URGCP: variants seen among roughly 807,000 people sequenced by gnomAD.
URGCP encodes up-regulator of cell proliferation.
Under a neutral mutation model 24.6 loss-of-function variants are expected in URGCP, and 13 were observed. The observed-to-expected ratio is 0.53, with a 90% CI of 0.34 to 0.84. The LOEUF (loss-of-function observed/expected upper bound fraction) is 0.84, where lower values mean the gene tolerates loss of function less well. Ranked by LOEUF, URGCP falls within the 40% of genes least tolerant of loss-of-function variation. The pLI, the probability that URGCP is intolerant of heterozygous loss-of-function variation, is 0.01. For synonymous variants in URGCP, 444 were observed against 487.2 expected (o/e 0.91, Z 1.17); for missense variants, 899 against 1,194.3 (o/e 0.75, Z 3.64).
intron 1 of URGCP, among the ~76,000 whole-genome samples, chr7:43,900,735 G>A (rs2095889130): frequency 1.3e-5 from 2 of 152,114 alleles, no homozygotes; most frequent in South Asian, 4.1e-4. Flanking sequence ...ACAGGCGTAA[G>A]CCACTGCACC....
intron 1 of URGCP, chr7:43,919,670 C>G: frequency 7.3e-7 from 1 of 1,375,090 alleles, no homozygotes; most frequent in Admixed American, 1.7e-5. Context: ...TCAACACCAT[C>G]CAGGGAGAGG....
intron 1 of URGCP, among the ~76,000 whole-genome samples, chr7:43,891,176 T>C (rs4724254): frequency 0.11 from 17,497 of 152,184 alleles, 1,161 homozygotes; most frequent in Admixed American, 0.18. Flanking sequence ...CTAGAATAGA[T>C]AGGGCAAACC....
chr7:43,896,386 C>T (rs1450468682), intron 1 of URGCP, among the ~76,000 whole-genome samples: 1 of 146,822 alleles, frequency 6.8e-6, no homozygotes, highest in African/African-American at 2.5e-5. Flanking sequence ...ACTCGGGAGG[C>T]GGAGATTGCA....
chr7:43,903,460 G>T (rs2095895311), intron 1 of URGCP, among the ~76,000 whole-genome samples: 1 of 152,180 alleles, frequency 6.6e-6, no homozygotes, highest in Non-Finnish European at 1.5e-5. Context: ...AAGATTTTAA[G>T]ATCGGTGGTC....
chr7:43,905,227 C>A (rs1454112846), intron 1 of URGCP, among the ~76,000 whole-genome samples: 1 of 151,126 alleles, frequency 6.6e-6, no homozygotes, highest in Non-Finnish European at 1.5e-5. Context: ...TCGTTCAGGG[C>A]AGCCCCACAC....
intron 1 of URGCP, among the ~76,000 whole-genome samples, chr7:43,891,814 G>T (rs1261279576): frequency 6.6e-6 from 1 of 151,684 alleles, no homozygotes; most frequent in Non-Finnish European, 1.5e-5. Context: ...AGACAGTCTT[G>T]CTCTGTCTCC....
chr7:43,881,474 G>GTTT (rs751531869), intron 5 of URGCP, among the ~76,000 whole-genome samples, 185 bp downstream of exon 5: 23 of 127,320 alleles, frequency 1.8e-4, no homozygotes, highest in Admixed American at 5.6e-4. Context: ...GCTTCCCAGG[G>GTTT]TTTTTTTTTT....
rs368925344 is a variant in URGCP at position 43,877,073 on chromosome 7, G to A, written c.2390C>T (p.Ala797Val). 5.6e-6 allele frequency: 9 copies of A among 1,614,128 alleles called. No homozygotes were observed. In the African/African-American group the frequency reaches 9.3e-5, roughly 17 times the overall value. Residue 797 changes from alanine to valine, a missense_variant, in exon 6 of 6, where the codon GCA becomes GTA. Ala to Val is a moderately conservative substitution (Grantham distance 64). Transcript: ENST00000453200. ...ISLAETKDIPAAILHAFLRLE... is the reference protein window; with the variant it reads ...ISLAETKDIPVAILHAFLRLE... ...CCTCAGAAATGCATGCAGAATAGCT[G>A]CTGGAATGTCCTTGGTTTCAGCTAG...
Position 43,878,518 on chromosome 7 carries a change from G to C in URGCP, c.945C>G (p.Ser315=), listed in dbSNP as rs778675752. The C allele has an allele frequency of 1.2e-6, 2 of 1,614,208 alleles. No individual in the cohort carries two copies. The highest frequency in any genetic ancestry group is 1.7e-6 in the Non-Finnish European group (2 of 1,180,048). ...REISDGLVEI[S]WFFPSGREDL... ...CCTCCCTTCCGCTGGGAAAAAACCA[G>C]GAAATTTCTACCAACCCATCCGAAA... Residue 315 remains serine, a synonymous_variant, in exon 6 of 6, where the codon TCC becomes TCG. Transcript: ENST00000453200. This position sits in a 1 kb window ranked among gnomAD's most constrained non-coding sequence, Gnocchi z 5.6.
chr7:43,884,646 T>C (rs951138252), intron 3 of URGCP, among the ~76,000 whole-genome samples: 2 of 152,086 alleles, frequency 1.3e-5, no homozygotes, highest in African/African-American at 4.8e-5. Flanking sequence ...CTGGGCACAA[T>C]AGCAAGACCC....
At chr7:43,881,794 A>G in intron 4 of URGCP, 97 bp from the exon 5 acceptor site, 3 of 1,607,954 alleles carry the variant, frequency 1.9e-6, no homozygotes, top group Non-Finnish European at 2.6e-6. Flanking sequence ...CTTCTTTCTC[A>G]CCAAGATGGC....
intron 3 of URGCP, among the ~76,000 whole-genome samples, chr7:43,884,929 C>T (rs1187263248): frequency 2.0e-5 from 3 of 152,028 alleles, no homozygotes; most frequent in African/African-American, 4.8e-5. Context: ...GCTAATCTAT[C>T]CTTTTAGAAG....
intron 2 of URGCP, 74 bp downstream of exon 2, chr7:43,887,716 A>G: frequency 6.5e-7 from 1 of 1,527,374 alleles, no homozygotes; most frequent in Non-Finnish European, 8.8e-7. Context: ...ACTGGTCTAG[A>G]AAACCAGCAC....
Position 43,894,423 on chromosome 7 carries a change from A to G in URGCP, c.15-6607T>C, listed in dbSNP as rs185079199. Among the ~76,000 whole-genome samples the G allele has an allele frequency of 1.5e-3, 221 of 152,290 alleles. 1 individual carries two copies. Among genetic ancestry groups the G allele is most frequent in the Middle Eastern group, 3.4e-3 (1 of 294 alleles). On this transcript the variant is annotated intron_variant, in intron 1 of 5. Transcript: ENST00000453200. ...ATGTGCAGTAGTACCATCTGAGCTCACTGTAACCTCCACCACCAGGGCTCA... is the reference window on the plus strand; with the variant it reads ...ATGTGCAGTAGTACCATCTGAGCTCGCTGTAACCTCCACCACCAGGGCTCA...
chr7:43,908,222 C>T (rs947460829), upstream of URGCP, among the ~76,000 whole-genome samples: 37 of 152,086 alleles, frequency 2.4e-4, no homozygotes, highest in African/African-American at 8.2e-4. Flanking sequence ...GGACTACAGG[C>T]GCCCACTACC....
intron 1 of URGCP, among the ~76,000 whole-genome samples, chr7:43,902,508 G>A (rs747688242): frequency 1.3e-5 from 2 of 152,132 alleles, no homozygotes; most frequent in African/African-American, 4.8e-5. Context: ...GAAACAAAGC[G>A]CTGAGGAGTG....
rs543936409 is a variant in URGCP at position 43,886,180 on chromosome 7, G to A, written c.112+1235C>T. ...TAGTGATTTTTTCCATAGAGACGGT[G>A]TCTCACTATGTTGCGCAGGTTGGTC... On this transcript the variant is annotated intron_variant, in intron 3 of 5. Coordinates refer to ENST00000453200, the MANE Select transcript of URGCP (RefSeq NM_001077663.3). Among the ~76,000 whole-genome samples, 11 of 152,340 alleles carry A rather than the reference G, an allele frequency of 7.2e-5. No individual in the cohort carries two copies. The South Asian group carries it at 2.3e-3, about 32-fold the overall frequency.
intron 1 of URGCP, among the ~76,000 whole-genome samples, chr7:43,916,519 C>A (rs569683077): frequency 6.6e-6 from 1 of 152,156 alleles, no homozygotes; most frequent in East Asian, 1.9e-4. Context: ...CAGAGGCAGA[C>A]GACAACAGAA....
chr7:43,896,431 G>A (rs1263311472), intron 1 of URGCP, among the ~76,000 whole-genome samples: 1 of 150,684 alleles, frequency 6.6e-6, no homozygotes, highest in African/African-American at 2.4e-5. Flanking sequence ...ATCCAGCCTG[G>A]GCGACAGAGA....
Sources: gnomAD v4.1 joint callset for allele counts (sites outside exome capture counted in the v4.1 genomes callset) on GRCh38, gnomAD v4.1.1 for gene constraint, Gnocchi (gnomAD v3.1) non-coding constraint, MANE v1.5 for transcripts, NCBI Gene and HGNC (gene_info 2026-07-23, HGNC 2026-07-21) for gene names.